The following CEP135 variants were observed in gnomAD, a reference collection of about 807,000 sequenced individuals.
CEP135 encodes the protein centrosomal protein of 135 kDa.
CEP135 carries 142 observed loss-of-function variants against 157.3 expected under a neutral mutation model. The ratio of observed to expected loss-of-function variants is 0.90; its 90% CI spans 0.79 to 1.04. The LOEUF is 1.04. CEP135 is among the 50% of genes least tolerant of loss of function. The pLI is 0.00. For synonymous variants in CEP135, 396 were observed against 439.8 expected, an observed-to-expected ratio of 0.90 and a Z score of 1.25; for missense variants, 1,317 against 1,309.2, an observed-to-expected ratio of 1.01 and a Z score of -0.09.
At chr4:56,018,216 G>A (rs1332800577) in intron 22 of CEP135, among the ~76,000 whole-genome samples, 5 of 152,134 alleles carry the variant, frequency 3.3e-5, no homozygotes, top group African/African-American at 9.7e-5. Context: ...CCAACCTCAC[G>A]TGATCTGCCT....
chr4:55,975,041 A>T, intron 11 of CEP135, 72 bp downstream of exon 11: 1 of 1,109,846 alleles, frequency 9.0e-7, no homozygotes, highest in Non-Finnish European at 1.3e-6. Context: ...TTATTATATT[A>T]AATGTAACTT....
At chr4:56,010,790 A>G (rs1312372198) in intron 19 of CEP135, among the ~76,000 whole-genome samples, 2 of 152,234 alleles carry the variant, frequency 1.3e-5, no homozygotes, top group African/African-American at 4.8e-5. Flanking sequence ...CGTTTTTAAA[A>G]AATTATTTTC....
At chr4:56,007,630 C>A (rs934782311) in intron 17 of CEP135, among the ~76,000 whole-genome samples, 3 of 152,194 alleles carry the variant, frequency 2.0e-5, no homozygotes, top group Non-Finnish European at 4.4e-5. Context: ...TGGAACAGGT[C>A]TCCTGCCAAA....
chr4:55,994,229 C>T (rs754110900), intron 15 of CEP135, among the ~76,000 whole-genome samples: 23 of 152,156 alleles, frequency 1.5e-4, no homozygotes, highest in Admixed American at 4.6e-4. Context: ...GTTCTCTTTT[C>T]CTTGACATGA....
chr4:55,960,334 T>C, intron 6 of CEP135: 1 of 152,820 alleles, frequency 6.5e-6, no homozygotes, highest in Non-Finnish European at 1.5e-5. Context: ...CAAGTCCTCA[T>C]ACAACAGTTT....
At chr4:56,008,188 A>T (rs772677864) in intron 17 of CEP135, 139 bp from the exon 18 acceptor site, 9 of 603,420 alleles carry the variant, frequency 1.5e-5, no homozygotes, top group Non-Finnish European at 2.6e-5. Flanking sequence ...ACATGGAGAT[A>T]TGTTTACTTG....
chr4:55,969,047 G>A lies in CEP135; in HGVS notation c.1045-16G>A, dbSNP rs748430446. ...TAGACTTTTAAGTATATACCTAATA[G>A]GCTTTTTATTCCTAGAAAGAGATTA... On this transcript the variant is annotated splice_polypyrimidine_tract_variant and intron_variant, in intron 8 of 25. Coordinates refer to ENST00000257287, the MANE Select transcript of CEP135 (RefSeq NM_025009.5). 3 of 1,591,216 alleles carry A rather than the reference G, an allele frequency of 1.9e-6. No homozygotes were observed. Among genetic ancestry groups the A allele is most frequent in the South Asian group, 2.3e-5 (2 of 88,846 alleles).
intron 6 of CEP135, among the ~76,000 whole-genome samples, chr4:55,963,973 T>C (rs1728763634): frequency 6.6e-6 from 1 of 152,234 alleles, no homozygotes; most frequent in South Asian, 2.1e-4. Context: ...CTAGCAAGTT[T>C]CTTTTTATAT....
intron 10 of CEP135, 113 bp from the exon 11 acceptor site, chr4:55,974,633 A>G (rs1403754318): frequency 1.3e-6 from 1 of 752,242 alleles, no homozygotes; most frequent in Non-Finnish European, 2.1e-6. Context: ...GTTATGTAGA[A>G]CAGTTCATGA....
At chr4:56,029,223 C>T (rs1414293791) in intron 25 of CEP135, among the ~76,000 whole-genome samples, 1 of 152,166 alleles carries the variant, frequency 6.6e-6, no homozygotes, top group African/African-American at 2.4e-5. Context: ...CTGAAAGGTT[C>T]CTGAACCCAG....
chr4:56,015,483 C>T (rs1730741428), intron 21 of CEP135, among the ~76,000 whole-genome samples: 2 of 152,222 alleles, frequency 1.3e-5, no homozygotes, highest in African/African-American at 4.8e-5. Context: ...GGCCACTGCC[C>T]CTGTGGGACA....
chr4:55,994,456 A>C (rs912682431), intron 15 of CEP135, among the ~76,000 whole-genome samples: 9 of 151,024 alleles, frequency 6.0e-5, no homozygotes, highest in African/African-American at 1.9e-4. Context: ...CTGAGGCAGG[A>C]GGATTGCTTG....
At chr4:55,982,475 T>C (rs1342095897) in intron 13 of CEP135, among the ~76,000 whole-genome samples, 2 of 152,194 alleles carry the variant, frequency 1.3e-5, no homozygotes, top group Non-Finnish European at 2.9e-5. Context: ...TTCTGGTGGG[T>C]GTGAAATGTC....
Position 56,017,835 on chromosome 4 carries a change from C to T in CEP135, c.2990C>T (p.Ser997Leu), listed in dbSNP as rs146076380. 6.1e-4 allele frequency: 983 copies of T among 1,612,512 alleles called. 7 individuals are homozygous for T. The African/African-American group carries it at 0.011, about 19-fold the overall frequency. ...GKDIMTQQLN[S>L]KNLEFERVVV... ...GATATTATGACCCAGCAATTGAATT[C>T]GAAAAACCTTGAGTTTGAGAGGGTA... Residue 997 changes from serine to leucine, a missense_variant, in exon 22 of 26, where the codon TCG (serine) becomes TTG (leucine). Physicochemically the swap from Ser to Leu is moderately radical, Grantham distance 145 (BLOSUM62 -2). Transcript: ENST00000257287.
At chr4:55,984,381 T>C (rs1158897737) in intron 13 of CEP135, among the ~76,000 whole-genome samples, 1 of 152,216 alleles carries the variant, frequency 6.6e-6, no homozygotes, top group African/African-American at 2.4e-5. Context: ...AAATGAACCC[T>C]AGAATCTAGA....
intron 25 of CEP135, among the ~76,000 whole-genome samples, chr4:56,029,075 G>A (rs1577920623): frequency 6.6e-6 from 1 of 152,258 alleles, no homozygotes; most frequent in East Asian, 1.9e-4. Context: ...CCTGCTTATT[G>A]AAAAGGTTAT....
In CEP135 at chr4:55,988,444, G is replaced by C. The variant is rs111822739; in HGVS notation, c.1857+3086G>C. The stretch of plus-strand genomic sequence containing the variant: ...GGAGTCAGAGGCAGGAGGATCACTT[G>C]AGGTTAGCAGTTCAAGACCAGCCTG... On this transcript the variant is annotated intron_variant, in intron 14 of 25. Transcript: ENST00000257287. Among the ~76,000 whole-genome samples the C allele has an allele frequency of 4.7e-4, 71 of 152,258 alleles. 1 individual carries two copies. Among genetic ancestry groups the C allele is most frequent in the African/African-American group, 1.4e-3 (58 of 41,536 alleles).
intron 22 of CEP135, among the ~76,000 whole-genome samples, chr4:56,018,547 C>T (rs959639851): frequency 6.6e-5 from 10 of 152,094 alleles, no homozygotes; most frequent in East Asian, 1.9e-4. Flanking sequence ...TGCTTGAGCT[C>T]AGGAGTTTGA....
chr4:56,005,319 GGA>G (rs1730317123), intron 17 of CEP135, among the ~76,000 whole-genome samples: 2 of 152,092 alleles, frequency 1.3e-5, no homozygotes, highest in Non-Finnish European at 2.9e-5. Context: ...CAGATATTCA[GGA>G]GCCTGAGGCA....
Sources: allele counts gnomAD v4.1 joint callset (sites outside exome capture counted in the v4.1 genomes callset), GRCh38; gene constraint gnomAD v4.1.1; transcripts MANE v1.5; gene names NCBI Gene and HGNC (gene_info 2026-07-23, HGNC 2026-07-21).